The following SLC9A9 variants were observed in gnomAD, a reference collection of about 807,000 sequenced individuals.
The protein encoded by SLC9A9 is solute carrier family 9 member A9, also known as sodium/hydrogen exchanger 9.
Under a neutral mutation model 77.8 loss-of-function variants are expected in SLC9A9, and 62 were observed. The ratio of observed to expected loss-of-function variants is 0.80; its 90% CI spans 0.65 to 0.98. The LOEUF (loss-of-function observed/expected upper bound fraction) is 0.98, where lower values mean the gene tolerates loss of function less well. Ranked by LOEUF, SLC9A9 falls within the 50% of genes least tolerant of loss-of-function variation. The pLI is 0.00. For missense variants in SLC9A9, 775 were observed against 774.9 expected, an observed-to-expected ratio of 1.00 and a Z score of 0.00; for synonymous variants, 320 against 283.5, an observed-to-expected ratio of 1.13 and a Z score of -1.29.
chr3:143,844,543 G>A (rs2009780517), intron 1 of SLC9A9, among the ~76,000 whole-genome samples: 1 of 152,208 alleles, frequency 6.6e-6, no homozygotes, highest in Admixed American at 6.5e-5. Context: ...GTGGAGTAGG[G>A]GAGTTGCTAG....
intron 12 of SLC9A9, among the ~76,000 whole-genome samples, chr3:143,418,549 G>A (rs1292342194): frequency 6.6e-6 from 1 of 152,118 alleles, no homozygotes; most frequent in Non-Finnish European, 1.5e-5. Flanking sequence ...GGCAGGCGAG[G>A]GGTGGAAGGT....
intron 6 of SLC9A9, among the ~76,000 whole-genome samples, chr3:143,600,784 T>G (rs888334678): frequency 2.6e-5 from 4 of 152,218 alleles, no homozygotes; most frequent in Non-Finnish European, 4.4e-5. Flanking sequence ...AAATTAACCA[T>G]AAGGCTGAAA....
intron 14 of SLC9A9, among the ~76,000 whole-genome samples, chr3:143,270,530 G>A (rs1415300940): frequency 6.6e-6 from 1 of 152,062 alleles, no homozygotes; most frequent in Non-Finnish European, 1.5e-5. Context: ...GTAGGTATGG[G>A]TCAATAAAAA....
chr3:143,846,117 A>G (rs1425123590), intron 1 of SLC9A9, among the ~76,000 whole-genome samples: 1 of 152,216 alleles, frequency 6.6e-6, no homozygotes, highest in Non-Finnish European at 1.5e-5. Context: ...TTCAAAAGTA[A>G]GAGTTACTGT....
intron 6 of SLC9A9, 59 bp from the exon 7 acceptor site, chr3:143,578,782 A>G: frequency 6.2e-7 from 1 of 1,602,348 alleles, no homozygotes; most frequent in Non-Finnish European, 8.5e-7. Flanking sequence ...CCCAGATAGG[A>G]TTTCGCACCC....
chr3:143,618,232 C>T (rs1559996005), intron 6 of SLC9A9, among the ~76,000 whole-genome samples: 1 of 152,220 alleles, frequency 6.6e-6, no homozygotes, highest in East Asian at 1.9e-4. Flanking sequence ...ATGCATAAGG[C>T]CTACTTTATG....
At chr3:143,821,909 C>A (rs2108881587) in intron 2 of SLC9A9, among the ~76,000 whole-genome samples, 1 of 152,326 alleles carries the variant, frequency 6.6e-6, no homozygotes, top group Middle Eastern at 3.4e-3. Context: ...ATGCGGGGGT[C>A]AGTGTGCCCG....
chr3:143,825,812 A>T (rs754331891), intron 2 of SLC9A9, among the ~76,000 whole-genome samples: 2 of 152,212 alleles, frequency 1.3e-5, no homozygotes, highest in African/African-American at 2.4e-5. Flanking sequence ...AACTGTACTG[A>T]CAACTTTTTG....
chr3:143,848,152 C>A lies in SLC9A9; in HGVS notation c.171G>T (p.Val57=), dbSNP rs753404474. 9.9e-6 allele frequency: 16 copies of A among 1,613,474 alleles called. No homozygotes were observed. The Middle Eastern group carries it at 9.9e-4, about 100-fold the overall frequency. The change falls in exon 1 of 16, where the codon GTG becomes GTT. Residue 57 remains valine (V), a synonymous_variant. Coordinates refer to ENST00000316549, the MANE Select transcript of SLC9A9 (RefSeq NM_173653.4). ...RFLHETGGAM[V]YGLIMGLILR... ...TCTCACAATTTATGCACTCACCATA[C>A]ACCATTGCTCCTCCAGTTTCATGCA...
At chr3:143,582,622 A>T (rs1453841646) in intron 6 of SLC9A9, among the ~76,000 whole-genome samples, 1 of 152,202 alleles carries the variant, frequency 6.6e-6, no homozygotes, top group Non-Finnish European at 1.5e-5. Context: ...CCAGGCAGGT[A>T]CCGCAGAGAA....
chr3:143,791,837 T>A (rs541062015), intron 4 of SLC9A9, among the ~76,000 whole-genome samples: 46 of 152,346 alleles, frequency 3.0e-4, no homozygotes, highest in African/African-American at 1.1e-3. Flanking sequence ...TCCTTTTGGA[T>A]GGACTTCCCA....
chr3:143,643,865 T>G (rs2108740930), intron 6 of SLC9A9, among the ~76,000 whole-genome samples: 1 of 152,108 alleles, frequency 6.6e-6, no homozygotes, highest in South Asian at 2.1e-4. Context: ...TTAATTCCCT[T>G]CGAGTATTAT....
intron 6 of SLC9A9, among the ~76,000 whole-genome samples, chr3:143,649,880 T>C (rs2038768653): frequency 6.6e-6 from 1 of 151,804 alleles, no homozygotes; most frequent in Non-Finnish European, 1.5e-5. Flanking sequence ...AAGATGGAAC[T>C]AAGAGAGGGA....
intron 6 of SLC9A9, among the ~76,000 whole-genome samples, chr3:143,645,443 G>A (rs80093671): frequency 1.3e-3 from 191 of 152,242 alleles, no homozygotes; most frequent in African/African-American, 4.4e-3. Flanking sequence ...ATTGAGGGCC[G>A]AGATGAGTGG....
chr3:143,727,900 G>A (rs1934700578), intron 4 of SLC9A9, among the ~76,000 whole-genome samples: 1 of 152,194 alleles, frequency 6.6e-6, no homozygotes, highest in South Asian at 2.1e-4. Flanking sequence ...ACTTATTGAT[G>A]TCTATTTTGT....
chr3:143,783,515 A>G (rs946029607), intron 4 of SLC9A9, among the ~76,000 whole-genome samples: 2 of 152,174 alleles, frequency 1.3e-5, no homozygotes, highest in Non-Finnish European at 2.9e-5. Context: ...TTACCACTTG[A>G]TCAATAGGAC....
At chr3:143,437,852 C>T (rs1045193424) in intron 12 of SLC9A9, among the ~76,000 whole-genome samples, 9 of 152,210 alleles carry the variant, frequency 5.9e-5, no homozygotes, top group Non-Finnish European at 1.3e-4. Context: ...AACTTAACAG[C>T]ATGAATGGTA....
At chr3:143,333,460 C>T (rs929070643) in intron 14 of SLC9A9, among the ~76,000 whole-genome samples, 2 of 152,234 alleles carry the variant, frequency 1.3e-5, no homozygotes, top group Admixed American at 6.5e-5. Context: ...AACTTCTCTT[C>T]TAGAGTCTCT....
rs1435438289 is a variant in SLC9A9 at position 143,502,329 on chromosome 3, G to T, written c.1090-6881C>A. Among the ~76,000 whole-genome samples, 3 of 143,058 alleles carry T rather than the reference G, an allele frequency of 2.1e-5. No individual in the cohort carries two copies. The East Asian group carries it at 5.8e-4, about 28-fold the overall frequency. 93.9% of individuals were successfully genotyped at this position (143,058 alleles called of 152,430 possible). A position where few individuals can be genotyped will look rare whatever the true frequency, so the allele number is the denominator to read the frequency against. ...GGGAAGTATTTAAACTGCGTAAGAGGACAATCTGTGTTTAAAAACTCTGAA... is the reference window on the plus strand; with the variant it reads ...GGGAAGTATTTAAACTGCGTAAGAGTACAATCTGTGTTTAAAAACTCTGAA... On this transcript the variant is annotated intron_variant, in intron 9 of 15. Transcript: ENST00000316549.
Sources: allele counts gnomAD v4.1 joint callset (sites outside exome capture counted in the v4.1 genomes callset), GRCh38; gene constraint gnomAD v4.1.1; transcripts MANE v1.5; gene names NCBI Gene and HGNC (gene_info 2026-07-23, HGNC 2026-07-21).